Variants in NEBL observed in about 807,000 individuals in gnomAD.
NEBL encodes nebulette, also known as LIM and SH3 protein 2.
A neutral mutation model predicts 140.2 loss-of-function variants in NEBL; 122 were observed. The ratio of observed to expected loss-of-function variants is 0.87; its 90% confidence interval spans 0.75 to 1.01. The LOEUF is 1.01. NEBL is among the 50% of genes least tolerant of loss of function. The pLI is 0.00. For synonymous variants in NEBL, 436 were observed against 398.9 expected (o/e 1.09, Z -1.11); for missense variants, 1,365 against 1,231.3 (o/e 1.11, Z -1.62).
chr10:21,283,995 C>T (rs1019455570), intron 1 of NEBL, among the ~76,000 whole-genome samples: 6 of 134,308 alleles, frequency 4.5e-5, no homozygotes, highest in Admixed American at 8.3e-5. Context: ...GTCAGGAGTT[C>T]GAGACCAGCC....
chr10:21,292,276 T>C (rs1291374743), intron 1 of NEBL, among the ~76,000 whole-genome samples: 1 of 152,226 alleles, frequency 6.6e-6, no homozygotes, highest in African/African-American at 2.4e-5. Context: ...CAAAGCACTG[T>C]ATGGTCTTAT....
At chr10:21,082,761 A>ATTTTC (rs1836442163) in intron 2 of NEBL, among the ~76,000 whole-genome samples, 1 of 109,548 alleles carries the variant, frequency 9.1e-6, no homozygotes, top group African/African-American at 3.3e-5. Flanking sequence ...GGAGGGATGC[A>ATTTTC]TTTTTTTTTT....
chr10:21,028,940 T>G (rs188908260), intron 2 of NEBL: 151 of 495,628 alleles, frequency 3.0e-4, no homozygotes, highest in Middle Eastern at 2.2e-3. Flanking sequence ...AAAAAATAGC[T>G]ATACTAATAT....
intron 2 of NEBL, among the ~76,000 whole-genome samples, chr10:21,082,875 G>C (rs1480882939): frequency 1.4e-5 from 2 of 145,260 alleles, no homozygotes; most frequent in African/African-American, 5.1e-5. Flanking sequence ...CAATTCTCTT[G>C]CCTCAGCCTC....
intron 3 of NEBL, among the ~76,000 whole-genome samples, chr10:21,232,891 G>A (rs951420182): frequency 8.5e-5 from 13 of 152,214 alleles, no homozygotes; most frequent in African/African-American, 2.9e-4. Flanking sequence ...CAGTAGTTCA[G>A]GAGAGATGAT....
chr10:21,033,716 G>A (rs1268753018), intron 2 of NEBL, among the ~76,000 whole-genome samples: 3 of 144,850 alleles, frequency 2.1e-5, no homozygotes, highest in African/African-American at 7.7e-5. Context: ...CTCCAGCCTG[G>A]CAACAAGAGC....
At chr10:21,067,787 G>T (rs181424760) in intron 2 of NEBL, among the ~76,000 whole-genome samples, 205 of 151,990 alleles carry the variant, frequency 1.3e-3, no homozygotes, top group African/African-American at 4.8e-3. Flanking sequence ...GACCAGCCTG[G>T]GCAACATAAT....
chr10:20,917,192 T>C (rs1194118813), intron 4 of NEBL, among the ~76,000 whole-genome samples: 1 of 152,200 alleles, frequency 6.6e-6, no homozygotes, highest in Non-Finnish European at 1.5e-5. Context: ...AAGTCCAAAG[T>C]CTACCATTTT....
chr10:21,214,750 T>C (rs1399845709), intron 3 of NEBL, among the ~76,000 whole-genome samples: 2 of 152,186 alleles, frequency 1.3e-5, no homozygotes, highest in African/African-American at 2.4e-5. Flanking sequence ...ATATATAGTA[T>C]GTAAAAAGGG....
chr10:21,232,990 C>A (rs1842285762), intron 3 of NEBL, among the ~76,000 whole-genome samples: 1 of 152,150 alleles, frequency 6.6e-6, no homozygotes, highest in Non-Finnish European at 1.5e-5. Context: ...AAAATACTTG[C>A]TGAGCAATTG....
At chr10:21,065,291 T>C (rs1385960257) in intron 2 of NEBL, among the ~76,000 whole-genome samples, 1 of 152,222 alleles carries the variant, frequency 6.6e-6, no homozygotes, top group Non-Finnish European at 1.5e-5. Context: ...ATGAACACAC[T>C]TTGTTTAACC....
chr10:21,172,931 C>T (rs10828201), intron 1 of NEBL, among the ~76,000 whole-genome samples: 6,868 of 152,218 alleles, frequency 0.045, 289 homozygotes, highest in East Asian at 0.21. Context: ...TGTAAGTACC[C>T]CTACACCTGA....
chr10:21,278,044 C>G lies in NEBL; in HGVS notation n.182+14786G>C, dbSNP rs115346685. 6.4e-3 allele frequency among the ~76,000 whole-genome samples: 973 copies of G among 152,312 alleles called. 14 individuals are homozygous for G. The highest frequency in any genetic ancestry group is 0.023 in the African/African-American group (946 of 41,576). On this transcript the variant is annotated intron_variant and non_coding_transcript_variant, in intron 1 of 8. Transcript: ENST00000675702. ...AGTGCTCAGTAAATTTTAGCTGCTACTATTACTACTAACAACATGTGAGGG... is the reference window on the plus strand; with the variant it reads ...AGTGCTCAGTAAATTTTAGCTGCTAGTATTACTACTAACAACATGTGAGGG...
At chr10:21,147,128 A>AT (rs796067329) in intron 2 of NEBL, among the ~76,000 whole-genome samples, 5 of 152,302 alleles carry the variant, frequency 3.3e-5, no homozygotes, top group African/African-American at 1.2e-4. Context: ...AAAATCTGTG[A>AT]TAAAAAGTAG....
At chr10:21,018,757 G>T (rs1442291514) in intron 3 of NEBL, among the ~76,000 whole-genome samples, 1 of 152,128 alleles carries the variant, frequency 6.6e-6, no homozygotes, top group Non-Finnish European at 1.5e-5. Flanking sequence ...CAGGCCGGGC[G>T]CAGTGGCTCA....
intron 4 of NEBL, among the ~76,000 whole-genome samples, chr10:20,953,950 A>G (rs1835643053): frequency 6.6e-6 from 1 of 151,418 alleles, no homozygotes; most frequent in Non-Finnish European, 1.5e-5. Context: ...TCCTTGCTCC[A>G]CTATGGCAGA....
intron 4 of NEBL, among the ~76,000 whole-genome samples, chr10:20,923,376 T>C (rs1471346464): frequency 6.6e-6 from 1 of 152,042 alleles, no homozygotes; most frequent in African/African-American, 2.4e-5. Context: ...CACGTATTCA[T>C]ATTAATAAGA....
At position 21,209,529 on chromosome 10, in the gene NEBL, G is replaced by A. The variant is rs572342006; in HGVS notation, n.349-37052C>T. On this transcript the variant is annotated intron_variant and non_coding_transcript_variant, in intron 3 of 8. Transcript: ENST00000675702. ...AAAATGGACTTCAGGTAGGCAGCTGGAAGTATATGTCCCAGTGACCACAGG... is the reference window on the plus strand; with the variant it reads ...AAAATGGACTTCAGGTAGGCAGCTGAAAGTATATGTCCCAGTGACCACAGG... Among the ~76,000 whole-genome samples, 107 of 152,092 alleles carry A rather than the reference G, an allele frequency of 7.0e-4. 1 individual carries two copies. Among genetic ancestry groups the A allele is most frequent in the African/African-American group, 2.5e-3 (104 of 41,480 alleles).
At chr10:21,162,784 AATTG>A (rs1840608164) in intron 2 of NEBL, among the ~76,000 whole-genome samples, 1 of 152,250 alleles carries the variant, frequency 6.6e-6, no homozygotes, top group South Asian at 2.1e-4. Context: ...AGAGTTCAGT[AATTG>A]ATTGAGAGAT....
Sources: gnomAD v4.1 joint callset for allele counts (sites outside exome capture counted in the v4.1 genomes callset) on GRCh38, gnomAD v4.1.1 for gene constraint, MANE v1.5 for transcripts, NCBI Gene and HGNC (gene_info 2026-07-23, HGNC 2026-07-21) for gene names.